CUX1: variants seen among roughly 807,000 people sequenced by gnomAD.
The protein encoded by CUX1 is protein CASP.
CUX1 carries 31 observed loss-of-function variants against 158.8 expected under a neutral mutation model. That is an observed-to-expected ratio of 0.20 (90% confidence interval 0.15 to 0.26). The LOEUF (loss-of-function observed/expected upper bound fraction) is 0.26, where lower values mean the gene tolerates loss of function less well. Ranked by LOEUF, CUX1 falls within the 10% of genes least tolerant of loss-of-function variation. The pLI, the probability that CUX1 is intolerant of heterozygous loss-of-function variation, is 1.00. For missense variants in CUX1, 1,589 were observed against 2,014.6 expected, an observed-to-expected ratio of 0.79 and a Z score of 4.04; for synonymous variants, 879 against 862.1, an observed-to-expected ratio of 1.02 and a Z score of -0.34.
intron 2 of CUX1, among the ~76,000 whole-genome samples, chr7:101,984,089 A>AAAAAAATATAT (rs1221503978): frequency 3.4e-5 from 1 of 29,840 alleles, no homozygotes; most frequent in Non-Finnish European, 7.0e-5. Context: ...AAAAAAAAAA[A>AAAAAAATATAT]ATATATATAT....
At chr7:101,993,085 T>C (rs570511139) in intron 2 of CUX1, among the ~76,000 whole-genome samples, 1 of 152,266 alleles carries the variant, frequency 6.6e-6, no homozygotes, top group African/African-American at 2.4e-5. Flanking sequence ...ATCCCAGCAC[T>C]TTGAGAGGCC....
rs782269467 is a variant in CUX1 at position 102,234,005 on chromosome 7, C to T, written c.3434-47C>T. 1.5e-5 allele frequency: 21 copies of T among 1,392,854 alleles called. No individual in the cohort carries two copies. In the East Asian group the frequency reaches 5.7e-4, roughly 38 times the overall value. The allele number at this position is 1,392,854 out of a possible 1,614,324, so 86.3% of individuals were successfully genotyped here. On this transcript the variant is annotated intron_variant, in intron 21 of 23. Transcript: ENST00000292535. ...TGACACGTACTTGTCCCTTCAGATC[C>T]CTGGCTCTCGGTGACAATACCTGTC...
intron 20 of CUX1, among the ~76,000 whole-genome samples, chr7:102,223,558 A>T (rs891978226): frequency 1.3e-5 from 2 of 152,204 alleles, no homozygotes; most frequent in Non-Finnish European, 2.9e-5. Flanking sequence ...TGGTCAATAG[A>T]AAAGAAACAT....
At position 102,250,910 on chromosome 7, in the gene CUX1, T is replaced by C; in HGVS notation, c.*1868T>C. 1 of 985,056 alleles carries C rather than the reference T, an allele frequency of 1.0e-6. No homozygotes were observed. Among genetic ancestry groups the C allele is most frequent in the Non-Finnish European group, 1.2e-6 (1 of 829,590 alleles). 61.0% of individuals were successfully genotyped at this position (985,056 alleles called of 1,614,324 possible). ...TCAGTTACGGCTTCTACAAGTTTGC[T>C]AATTTAGACTTCTTTATTGCCATAT... On this transcript the variant is annotated 3_prime_UTR_variant, in exon 24 of 24. Transcript: ENST00000292535.
chr7:102,207,490 A>G (rs1796073606), intron 20 of CUX1, among the ~76,000 whole-genome samples: 1 of 151,918 alleles, frequency 6.6e-6, no homozygotes, highest in South Asian at 2.1e-4. Context: ...TCGCTGTGTC[A>G]CCCAGGCTGG....
chr7:102,139,215 A>C (rs1413784702), intron 8 of CUX1, among the ~76,000 whole-genome samples: 1 of 146,900 alleles, frequency 6.8e-6, no homozygotes, highest in Non-Finnish European at 1.5e-5. Flanking sequence ...GCTGCACTCC[A>C]GCCTGGGCAA....
At chr7:102,094,864 G>C (rs892421947) in intron 4 of CUX1, among the ~76,000 whole-genome samples, 6 of 152,098 alleles carry the variant, frequency 3.9e-5, no homozygotes, top group Non-Finnish European at 8.8e-5. Flanking sequence ...GGGGAAGAGG[G>C]GCAGGCTGAG....
Position 102,201,724 on chromosome 7 carries a change from G to A in CUX1, c.2427G>A (p.Gln809=). The part of the protein sequence containing the change: ...AADCAQGVLR[Q]VKNEVGRSGA... ...ATTGTGCACAAGGGGTCCTGAGACAGGTGAAAAATGAGGTGGGCCGCAGCG... is the reference window on the plus strand; with the variant it reads ...ATTGTGCACAAGGGGTCCTGAGACAAGTGAAAAATGAGGTGGGCCGCAGCG... Residue 809 remains glutamine, a synonymous_variant, in exon 18 of 24, where the codon CAG becomes CAA. Coordinates refer to ENST00000292535, the MANE Select transcript of CUX1 (RefSeq NM_181552.4). The surrounding 1 kb of genome is among the most constrained non-coding windows in gnomAD (Gnocchi z 5.0). The A allele has an allele frequency of 6.2e-7, 1 of 1,612,594 alleles. No homozygotes were observed. The highest frequency in any genetic ancestry group is 8.5e-7 in the Non-Finnish European group (1 of 1,179,894).
intron 2 of CUX1, among the ~76,000 whole-genome samples, chr7:101,964,306 T>C (rs1236789452): frequency 6.6e-6 from 1 of 151,754 alleles, no homozygotes; most frequent in East Asian, 1.9e-4. Context: ...TGAGCTGAGA[T>C]CATGACAGTG....
At chr7:102,127,827 G>A (rs1224686815) in intron 8 of CUX1, among the ~76,000 whole-genome samples, 4 of 119,126 alleles carry the variant, frequency 3.4e-5, no homozygotes, top group East Asian at 2.0e-4. Context: ...CATCTTTTTC[G>A]TGTTTTTTGT....
chr7:101,941,358 C>T (rs1471059203), intron 2 of CUX1, among the ~76,000 whole-genome samples: 1 of 152,204 alleles, frequency 6.6e-6, no homozygotes, highest in Non-Finnish European at 1.5e-5. Flanking sequence ...TTCATCGCTG[C>T]ATGGGGAGAC....
intron 4 of CUX1, 31 bp downstream of exon 4, chr7:102,070,448 G>A (rs769521863): frequency 6.4e-7 from 1 of 1,562,320 alleles, no homozygotes; most frequent in Non-Finnish European, 8.7e-7. Context: ...CCCACCAGTG[G>A]GGGGCGTTGT....
intron 3 of CUX1, among the ~76,000 whole-genome samples, chr7:102,030,703 T>TTTTTTTTTTC (rs1820685621): frequency 6.7e-6 from 1 of 148,828 alleles, no homozygotes; most frequent in Non-Finnish European, 1.5e-5. Context: ...TTTTTTTTTT[T>TTTTTTTTTTC]GAGACAGGGT....
intron 7 of CUX1, among the ~76,000 whole-genome samples, chr7:102,113,878 AT>A (rs1554491063): frequency 6.6e-6 from 1 of 152,196 alleles, no homozygotes; most frequent in Non-Finnish European, 1.5e-5. Context: ...TTTAAAAAAA[AT>A]ATAGCAATTC....
chr7:101,868,021 A>G lies in CUX1; in HGVS notation c.31-48094A>G, dbSNP rs571558708. Among the ~76,000 whole-genome samples the G allele has an allele frequency of 5.4e-3, 815 of 151,650 alleles. 5 individuals carry two copies. Among genetic ancestry groups the G allele is most frequent in the Non-Finnish European group, 9.2e-3 (624 of 67,808 alleles). On this transcript the variant is annotated intron_variant, in intron 1 of 23. Coordinates refer to ENST00000292535, the MANE Select transcript of CUX1 (RefSeq NM_181552.4). ...CCACTGTGCCTGGCCTCTCTTTTTT[A>G]AAAAAAATAGAGATGAGGTCTCGCT...
At chr7:102,034,897 G>A (rs1411347887) in intron 3 of CUX1, among the ~76,000 whole-genome samples, 5 of 152,008 alleles carry the variant, frequency 3.3e-5, no homozygotes, top group East Asian at 3.9e-4. Flanking sequence ...TCGCGCCACC[G>A]CACTCTAGCC....
At chr7:101,933,635 T>C (rs1372659981) in intron 2 of CUX1, among the ~76,000 whole-genome samples, 4 of 152,196 alleles carry the variant, frequency 2.6e-5, no homozygotes, top group African/African-American at 9.6e-5. Context: ...GTATAGGAAA[T>C]AAACATTTCT....
chr7:102,176,075 A>G (rs61232541), intron 10 of CUX1, among the ~76,000 whole-genome samples: 49 of 152,346 alleles, frequency 3.2e-4, no homozygotes, highest in African/African-American at 1.2e-3. Flanking sequence ...GGCCACGCGC[A>G]CAGCTGTCAG....
chr7:101,877,341 G>T (rs2131522958), intron 1 of CUX1, among the ~76,000 whole-genome samples: 1 of 152,276 alleles, frequency 6.6e-6, no homozygotes, highest in South Asian at 2.1e-4. Flanking sequence ...TCCTTTGTAT[G>T]CACATAGTCT....
Sources: gnomAD v4.1 joint callset for allele counts (sites outside exome capture counted in the v4.1 genomes callset) on GRCh38, gnomAD v4.1.1 for gene constraint, Gnocchi (gnomAD v3.1) non-coding constraint, MANE v1.5 for transcripts, NCBI Gene and HGNC (gene_info 2026-07-23, HGNC 2026-07-21) for gene names.